The following CNTNAP2 variants were observed in gnomAD, a reference collection of about 807,000 sequenced individuals.
The protein encoded by CNTNAP2 is contactin-associated protein-like 2.
A neutral mutation model predicts 155.2 loss-of-function variants in CNTNAP2; 98 were observed. The observed-to-expected ratio is 0.63, with a 90% CI of 0.54 to 0.75. CNTNAP2 has a LOEUF of 0.75. Among genes scored for constraint, CNTNAP2 ranks in the 30% least tolerant of loss-of-function variants. The pLI is 0.00. For missense variants in CNTNAP2, 1,727 were observed against 1,688.1 expected, an observed-to-expected ratio of 1.02 and a Z score of -0.40; for synonymous variants, 651 against 631.2, an observed-to-expected ratio of 1.03 and a Z score of -0.47.
rs11981107 is a variant in CNTNAP2 at position 148,385,763 on chromosome 7, A to G, written c.3715+1875A>G. ...TTTTTTTTTTTTTTTTTTTTTTTGG[A>G]GACAGACAGAGTCTCACTCAGTTGC... On this transcript the variant is annotated intron_variant, in intron 22 of 23. Coordinates refer to ENST00000361727, the MANE Select transcript of CNTNAP2 (RefSeq NM_014141.6). Among the ~76,000 whole-genome samples, 397 of 50,946 alleles carry G rather than the reference A, an allele frequency of 7.8e-3. 2 individuals carry two copies. Among genetic ancestry groups the G allele is most frequent in the African/African-American group, 0.028 (383 of 13,464 alleles). 33.4% of individuals were successfully genotyped at this position (50,946 alleles called of 152,430 possible).
intron 1 of CNTNAP2, among the ~76,000 whole-genome samples, chr7:146,161,687 A>G (rs890564729): frequency 2.0e-5 from 3 of 152,232 alleles, no homozygotes; most frequent in African/African-American, 7.2e-5. Context: ...GGAACCAAAA[A>G]GAGCCCGCAT....
intron 1 of CNTNAP2, among the ~76,000 whole-genome samples, chr7:146,373,169 T>C (rs1346215801): frequency 6.6e-6 from 1 of 152,170 alleles, no homozygotes; most frequent in Non-Finnish European, 1.5e-5. Flanking sequence ...GACATTTAAC[T>C]GCAGACATTT....
chr7:147,673,127 G>A (rs534196400), intron 13 of CNTNAP2: 12 of 152,148 alleles, frequency 7.9e-5, no homozygotes, highest in African/African-American at 1.9e-4. Flanking sequence ...CCAATAAAGA[G>A]CAATGGTATC....
chr7:147,151,130 T>G (rs1225793445), intron 8 of CNTNAP2, among the ~76,000 whole-genome samples: 1 of 152,230 alleles, frequency 6.6e-6, no homozygotes, highest in Non-Finnish European at 1.5e-5. Context: ...TAGTTTTATC[T>G]GTGATGATAG....
intron 15 of CNTNAP2, among the ~76,000 whole-genome samples, chr7:147,994,763 T>C (rs1178179213): frequency 1.3e-5 from 2 of 152,174 alleles, no homozygotes; most frequent in African/African-American, 4.8e-5. Flanking sequence ...GGTATGTCTT[T>C]ATCAGCCATA....
chr7:147,170,005 G>T (rs1440823754), intron 8 of CNTNAP2, among the ~76,000 whole-genome samples: 1 of 151,926 alleles, frequency 6.6e-6, no homozygotes, highest in Non-Finnish European at 1.5e-5. Flanking sequence ...TCGTTTGGGG[G>T]TAAGGAGGCA....
chr7:147,643,273 T>C (rs914130130), intron 13 of CNTNAP2: 3 of 152,162 alleles, frequency 2.0e-5, no homozygotes, highest in Non-Finnish European at 4.4e-5. Flanking sequence ...CTAAAATAAA[T>C]TGGCATAATA....
intron 1 of CNTNAP2, among the ~76,000 whole-genome samples, chr7:146,232,371 C>T (rs1387363003): frequency 1.3e-5 from 2 of 151,628 alleles, no homozygotes; most frequent in South Asian, 2.1e-4. Flanking sequence ...AGTTTTTCCT[C>T]TGGAAAAGGT....
At chr7:147,612,580 T>C (rs1801208558) in intron 12 of CNTNAP2, among the ~76,000 whole-genome samples, 1 of 152,032 alleles carries the variant, frequency 6.6e-6, no homozygotes, top group Admixed American at 6.5e-5. Context: ...TTTGTATTTT[T>C]AGTAGAGGCT....
intron 18 of CNTNAP2, among the ~76,000 whole-genome samples, chr7:148,182,764 A>C (rs1360182423): frequency 6.6e-6 from 1 of 152,196 alleles, no homozygotes. Context: ...TCTCTGAGCC[A>C]TCCTTTTCTT....
chr7:146,557,797 T>A (rs802011), intron 1 of CNTNAP2, among the ~76,000 whole-genome samples: 4,605 of 152,266 alleles, frequency 0.03, 256 homozygotes, highest in African/African-American at 0.1. Context: ...TTGAGCTAAT[T>A]TAATTTTGTT....
chr7:146,910,728 T>C (rs1442102202), intron 3 of CNTNAP2, among the ~76,000 whole-genome samples: 3 of 149,474 alleles, frequency 2.0e-5, no homozygotes, highest in East Asian at 1.9e-4. Context: ...GCATTACCAT[T>C]CAGGACATAG....
chr7:147,128,998 T>TA (rs1293136635), intron 7 of CNTNAP2, among the ~76,000 whole-genome samples, 162 bp downstream of exon 7: 1 of 152,218 alleles, frequency 6.6e-6, no homozygotes. Context: ...TTAGTATAGA[T>TA]ACTTGCTATT....
At chr7:148,248,567 T>C (rs1796315307) in intron 20 of CNTNAP2, among the ~76,000 whole-genome samples, 1 of 152,206 alleles carries the variant, frequency 6.6e-6, no homozygotes, top group Non-Finnish European at 1.5e-5. Context: ...GGTTCCTTCT[T>C]CTTGTCGTGT....
At chr7:146,417,777 A>C (rs1795958196) in intron 1 of CNTNAP2, among the ~76,000 whole-genome samples, 1 of 152,200 alleles carries the variant, frequency 6.6e-6, no homozygotes, top group Admixed American at 6.5e-5. Context: ...AATTATATAT[A>C]CTTACATATA....
At chr7:147,331,380 T>A (rs971484473) in intron 9 of CNTNAP2, among the ~76,000 whole-genome samples, 1 of 152,100 alleles carries the variant, frequency 6.6e-6, no homozygotes, top group African/African-American at 2.4e-5. Flanking sequence ...CTATTATAAA[T>A]GTCAAAAAGG....
intron 1 of CNTNAP2, among the ~76,000 whole-genome samples, chr7:146,317,076 T>A (rs1416310627): frequency 6.6e-6 from 1 of 152,228 alleles, no homozygotes; most frequent in Non-Finnish European, 1.5e-5. Flanking sequence ...TGAAGATTGA[T>A]AAACATTTGT....
chr7:146,801,433 A>G (rs759230446), intron 2 of CNTNAP2, among the ~76,000 whole-genome samples: 1 of 152,194 alleles, frequency 6.6e-6, no homozygotes, highest in Non-Finnish European at 1.5e-5. Context: ...CATATTACCA[A>G]TGAAGGTACA....
intron 18 of CNTNAP2, among the ~76,000 whole-genome samples, chr7:148,200,449 C>T (rs1311790565): frequency 6.6e-6 from 1 of 151,024 alleles, no homozygotes; most frequent in Non-Finnish European, 1.5e-5. Context: ...GGCTAGAGTG[C>T]AGTGGCACAA....
Sources: allele counts gnomAD v4.1 joint callset (sites outside exome capture counted in the v4.1 genomes callset), GRCh38; gene constraint gnomAD v4.1.1; transcripts MANE v1.5; gene names NCBI Gene and HGNC (gene_info 2026-07-23, HGNC 2026-07-21).